The following LSAMP variants were observed in gnomAD, a reference collection of about 807,000 sequenced individuals.
LSAMP encodes limbic system-associated membrane protein.
In LSAMP, 7 loss-of-function variants were observed where a neutral mutation model predicts 38.6. The observed-to-expected ratio is 0.18, with a 90% CI of 0.10 to 0.34. The LOEUF (loss-of-function observed/expected upper bound fraction) is 0.34. Ranked by LOEUF, LSAMP falls within the 10% of genes least tolerant of loss-of-function variation. The pLI is 1.00. For missense variants in LSAMP, 313 were observed against 420.0 expected (o/e 0.75, Z 2.23); for synonymous variants, 154 against 166.8 (o/e 0.92, Z 0.59).
chr3:115,971,129 TGGA>T (rs1939005329), intron 3 of LSAMP, among the ~76,000 whole-genome samples: 1 of 152,160 alleles, frequency 6.6e-6, no homozygotes, highest in South Asian at 2.1e-4. Context: ...CATATAGGGC[TGGA>T]GGAGAAGCTA....
At chr3:116,425,966 G>C (rs1315064112) in intron 1 of LSAMP, among the ~76,000 whole-genome samples, 1 of 151,760 alleles carries the variant, frequency 6.6e-6, no homozygotes, top group African/African-American at 2.4e-5. Flanking sequence ...ATGAGAGAGA[G>C]ATACTTTAAG....
chr3:115,892,057 A>G (rs1936613467), intron 3 of LSAMP, among the ~76,000 whole-genome samples: 1 of 152,038 alleles, frequency 6.6e-6, no homozygotes, highest in Non-Finnish European at 1.5e-5. Context: ...TAGATTACCC[A>G]GTACAAGAAT....
chr3:116,049,200 CA>C (rs1345882437), intron 2 of LSAMP, among the ~76,000 whole-genome samples: 2 of 152,126 alleles, frequency 1.3e-5, no homozygotes, highest in Non-Finnish European at 2.9e-5. Flanking sequence ...TGCTTTCTGC[CA>C]AACAGAATCA....
At chr3:115,883,044 G>A (rs1936362237) in intron 3 of LSAMP, among the ~76,000 whole-genome samples, 1 of 152,032 alleles carries the variant, frequency 6.6e-6, no homozygotes, top group African/African-American at 2.4e-5. Context: ...TGTGCAGAGA[G>A]AATGAAGCAG....
At chr3:115,880,703 T>C (rs1393934726) in intron 3 of LSAMP, among the ~76,000 whole-genome samples, 1 of 152,100 alleles carries the variant, frequency 6.6e-6, no homozygotes, top group African/African-American at 2.4e-5. Context: ...CATGGTTACT[T>C]TGAGGCCTAA....
intron 2 of LSAMP, among the ~76,000 whole-genome samples, chr3:116,036,852 TC>T (rs1257821529): frequency 6.6e-6 from 1 of 152,140 alleles, no homozygotes; most frequent in Non-Finnish European, 1.5e-5. Context: ...TACTTTGCAG[TC>T]CAGGTACTAT....
intron 1 of LSAMP, among the ~76,000 whole-genome samples, chr3:116,227,525 T>C (rs2046355568): frequency 6.6e-6 from 1 of 152,238 alleles, no homozygotes; most frequent in Non-Finnish European, 1.5e-5. Flanking sequence ...AGTCCAGCTT[T>C]AATCTGCTTA....
intron 1 of LSAMP, among the ~76,000 whole-genome samples, chr3:116,242,520 G>C (rs117740422): frequency 6.6e-6 from 1 of 152,188 alleles, no homozygotes; most frequent in East Asian, 1.9e-4. Context: ...TTTCTGTTAT[G>C]AAAAACTCTC....
At chr3:116,303,818 G>C (rs1233216729) in intron 1 of LSAMP, among the ~76,000 whole-genome samples, 1 of 152,176 alleles carries the variant, frequency 6.6e-6, no homozygotes, top group Non-Finnish European at 1.5e-5. Flanking sequence ...CTTTTACATG[G>C]TGTGTGATAT....
At chr3:116,316,714 T>C (rs1290060103) in intron 1 of LSAMP, among the ~76,000 whole-genome samples, 2 of 140,024 alleles carry the variant, frequency 1.4e-5, no homozygotes, top group Non-Finnish European at 3.0e-5. Flanking sequence ...GAGGTTGCAG[T>C]GAGCTAAGAC....
Position 115,807,672 on chromosome 3 carries a change from C to T in LSAMP, c.*2645G>A, listed in dbSNP as rs566169778. Reference sequence around the variant, plus strand: ...CTCTTCCTGTATATCTTTAAATTAGCATGCGCTTTTCTAAAGCCACACACT... The same window carrying T: ...CTCTTCCTGTATATCTTTAAATTAGTATGCGCTTTTCTAAAGCCACACACT... On this transcript the variant is annotated 3_prime_UTR_variant, in exon 7 of 7. Transcript: ENST00000490035. The T allele has an allele frequency of 7.9e-5, 12 of 152,308 alleles. No homozygotes were observed. Among genetic ancestry groups the T allele is most frequent in the African/African-American group, 2.9e-4 (12 of 41,578 alleles). The allele number at this position is 152,308 out of a possible 1,614,324, so 9.4% of individuals were successfully genotyped here.
In LSAMP at chr3:115,847,710, TG is replaced by T. The variant is rs1454965556; in HGVS notation, c.649+4772del. Among the ~76,000 whole-genome samples, 6 of 152,226 alleles carry T rather than the reference TG, an allele frequency of 3.9e-5. 1 individual carries two copies. Among genetic ancestry groups the T allele is most frequent in the Non-Finnish European group, 8.8e-5 (6 of 68,034 alleles). On this transcript the variant is annotated intron_variant, in intron 4 of 6. Coordinates refer to ENST00000490035, the MANE Select transcript of LSAMP (RefSeq NM_002338.5). ...ACTCATTCCCTTTCCTGCCGCCTTG[TG>T]AAGAATGTGCCTTGTTTCCCCTTTG...
chr3:115,848,811 G>C (rs999556826), intron 4 of LSAMP, among the ~76,000 whole-genome samples: 5 of 152,210 alleles, frequency 3.3e-5, no homozygotes, highest in Non-Finnish European at 7.3e-5. Flanking sequence ...AATGTCAGCT[G>C]TTCAATGGGG....
intron 3 of LSAMP, among the ~76,000 whole-genome samples, chr3:115,935,269 G>T (rs117009589): frequency 0.035 from 5,280 of 152,252 alleles, 142 homozygotes; most frequent in South Asian, 0.088. Flanking sequence ...ATGGAAGGAA[G>T]ACTTGATCCT....
chr3:116,420,019 C>G (rs1305405458), intron 1 of LSAMP, among the ~76,000 whole-genome samples: 5 of 152,154 alleles, frequency 3.3e-5, no homozygotes, highest in Non-Finnish European at 7.3e-5. Flanking sequence ...TCATTTCCTT[C>G]CTGAAAACTG....
At chr3:116,255,780 A>G (rs2046741741) in intron 1 of LSAMP, among the ~76,000 whole-genome samples, 1 of 152,160 alleles carries the variant, frequency 6.6e-6, no homozygotes, top group South Asian at 2.1e-4. Flanking sequence ...AGAAATCCAA[A>G]TCAGCTTTGG....
chr3:116,403,335 G>C (rs187708182), intron 1 of LSAMP, among the ~76,000 whole-genome samples: 32 of 151,988 alleles, frequency 2.1e-4, no homozygotes. Flanking sequence ...TAATAAACAA[G>C]GTATTTCTAT....
At chr3:116,084,955 A>ATGTGTG (rs10642967) in intron 2 of LSAMP, among the ~76,000 whole-genome samples, 2 of 150,200 alleles carry the variant, frequency 1.3e-5, no homozygotes, top group African/African-American at 2.4e-5. Flanking sequence ...TTATGTTTTG[A>ATGTGTG]TGTGTGTGTG....
chr3:116,402,985 T>C (rs2048857022), intron 1 of LSAMP, among the ~76,000 whole-genome samples: 1 of 152,192 alleles, frequency 6.6e-6, no homozygotes, highest in South Asian at 2.1e-4. Context: ...TCCCTAGGTT[T>C]CTGGACTCAA....
Sources: allele counts gnomAD v4.1 joint callset (sites outside exome capture counted in the v4.1 genomes callset), GRCh38; gene constraint gnomAD v4.1.1; transcripts MANE v1.5; gene names NCBI Gene and HGNC (gene_info 2026-07-23, HGNC 2026-07-21).